Variants in SOCS7 observed in about 807,000 individuals in gnomAD.
SOCS7 encodes NAP-4.
Under a neutral mutation model 58.9 loss-of-function variants are expected in SOCS7, and 18 were observed. The observed-to-expected ratio is 0.31, with a 90% CI of 0.21 to 0.45. SOCS7 has a LOEUF of 0.45. Among genes scored for constraint, SOCS7 ranks in the 20% least tolerant of loss-of-function variants. The pLI is 1.00. For synonymous variants in SOCS7, 388 were observed against 364.3 expected, an observed-to-expected ratio of 1.06 and a Z score of -0.74; for missense variants, 667 against 837.3, an observed-to-expected ratio of 0.80 and a Z score of 2.51.
chr17:38,389,606 T>C (rs1439622476), intron 7 of SOCS7, among the ~76,000 whole-genome samples: 2 of 151,648 alleles, frequency 1.3e-5, no homozygotes, highest in African/African-American at 4.8e-5. Flanking sequence ...TTACAAATAT[T>C]TTCTCCCATT....
At chr17:38,369,032 C>T (rs958942039) in intron 6 of SOCS7, among the ~76,000 whole-genome samples, 1 of 152,154 alleles carries the variant, frequency 6.6e-6, no homozygotes. Context: ...GACTTTGTAT[C>T]GAGACATTCT....
At chr17:38,375,724 G>A (rs1292766033) in intron 6 of SOCS7, 2 of 152,076 alleles carry the variant, frequency 1.3e-5, no homozygotes, top group Non-Finnish European at 2.9e-5. Flanking sequence ...CATTATTCAA[G>A]GGTCAGTTTA....
rs142580652 is a variant in SOCS7 at position 38,403,035 on chromosome 17, A to C, written c.*3553A>C. On this transcript the variant is annotated 3_prime_UTR_variant, in exon 10 of 10. Transcript: ENST00000612932. ...GTGGGCACTAGGTAAGTGGGTGGCA[A>C]CCGGCTCTTTGGGACCATTGGTGCT... The C allele has an allele frequency of 1.3e-5, 2 of 152,198 alleles. No homozygotes were observed. The highest frequency in any genetic ancestry group is 4.8e-5 in the African/African-American group (2 of 41,418). The allele number at this position is 152,198 out of a possible 1,614,324, so 9.4% of individuals were successfully genotyped here.
intron 7 of SOCS7, among the ~76,000 whole-genome samples, chr17:38,378,368 G>A (rs2037958452): frequency 6.6e-6 from 1 of 152,066 alleles, no homozygotes. Flanking sequence ...TAAAAAATTA[G>A]CCAGGCATAG....
rs374016874 is a variant in SOCS7 at position 38,390,341 on chromosome 17, A to C, written c.1682-4968A>C. ...GTTTTGTAGTACTTTTTGAGATGGA[A>C]AAGTGTGAGTCTCCAACTTTGTTGT... is the stretch of plus-strand genomic sequence containing the variant. On this transcript the variant is annotated intron_variant, in intron 7 of 9. Coordinates refer to ENST00000612932, the MANE Select transcript of SOCS7 (RefSeq NM_014598.4). 7.2e-4 allele frequency among the ~76,000 whole-genome samples: 110 copies of C among 152,176 alleles called. 1 individual carries two copies. The highest frequency in any genetic ancestry group is 2.6e-3 in the African/African-American group (106 of 41,540).
intron 1 of SOCS7, 86 bp downstream of exon 1, chr17:38,353,118 T>G (rs1670588654): frequency 7.8e-7 from 1 of 1,286,724 alleles, no homozygotes. Context: ...TCCTGACAGT[T>G]CTTAAGATAG....
intron 1 of SOCS7, 151 bp from the exon 2 acceptor site, chr17:38,361,560 C>A (rs9890974): frequency 1.4e-6 from 1 of 692,926 alleles, no homozygotes; most frequent in South Asian, 1.6e-5. Context: ...CATTCTCCCC[C>A]TTTATTTTAT....
intron 7 of SOCS7, among the ~76,000 whole-genome samples, chr17:38,385,936 T>C (rs1438776322): frequency 6.6e-6 from 1 of 152,084 alleles, no homozygotes; most frequent in African/African-American, 2.4e-5. Context: ...TCCCAGCACT[T>C]TGGGAGGTGA....
rs2144414309 is a variant in SOCS7, at chr17:38,400,158, G to A, written c.*676G>A. The A allele has an allele frequency of 1.3e-5, 2 of 152,290 alleles. No individual in the cohort carries two copies. The highest frequency in any genetic ancestry group is 3.4e-3 in the Middle Eastern group (1 of 294). The allele number at this position is 152,290 out of a possible 1,614,324, so 9.4% of individuals were successfully genotyped here. A position where few individuals can be genotyped will look rare whatever the true frequency, so the allele number is the denominator to read the frequency against. On this transcript the variant is annotated 3_prime_UTR_variant, in exon 10 of 10. Coordinates refer to ENST00000612932, the MANE Select transcript of SOCS7 (RefSeq NM_014598.4). The stretch of plus-strand genomic sequence containing the variant: ...CTCCTGCATCCTTTTTTAAGGTTTA[G>A]GAACCTGAGTTCAGAAACACCTCTC...
intron 9 of SOCS7, among the ~76,000 whole-genome samples, chr17:38,399,187 A>G (rs2038286861): frequency 6.6e-6 from 1 of 152,162 alleles, no homozygotes; most frequent in African/African-American, 2.4e-5. Context: ...CAGTCCCTAG[A>G]GCAATTGAGC....
chr17:38,366,715 G>A (rs927802266), intron 5 of SOCS7, among the ~76,000 whole-genome samples: 3 of 152,096 alleles, frequency 2.0e-5, no homozygotes, highest in Non-Finnish European at 4.4e-5. Context: ...GGCTGGTCTT[G>A]AACTCCTGGG....
intron 7 of SOCS7, among the ~76,000 whole-genome samples, chr17:38,387,103 AT>A (rs1179710169): frequency 0.073 from 3,733 of 51,240 alleles, 101 homozygotes; most frequent in Non-Finnish European, 0.091. Context: ...AAAAAAAAAA[AT>A]ATATATATAT....
chr17:38,386,773 T>C (rs903905892), intron 7 of SOCS7, among the ~76,000 whole-genome samples: 5 of 151,990 alleles, frequency 3.3e-5, no homozygotes, highest in African/African-American at 1.2e-4. Context: ...TATCATCCTT[T>C]GAAGGTGACC....
Position 38,402,785 on chromosome 17 carries a change from G to C in SOCS7, c.*3303G>C, listed in dbSNP as rs1422231919. Reference sequence around the variant, plus strand: ...ATTTTCAAGTCACAAATTGGAAAAGGCTTACATCTAGGGACCCACTGTTGA... The same window carrying C: ...ATTTTCAAGTCACAAATTGGAAAAGCCTTACATCTAGGGACCCACTGTTGA... On this transcript the variant is annotated 3_prime_UTR_variant, in exon 10 of 10. Coordinates refer to ENST00000612932, the MANE Select transcript of SOCS7 (RefSeq NM_014598.4). The C allele has an allele frequency of 6.6e-6, 1 of 152,138 alleles. No homozygotes were observed. The highest frequency in any genetic ancestry group is 1.5e-5 in the Non-Finnish European group (1 of 68,030). The allele number at this position is 152,138 out of a possible 1,614,324, so 9.4% of individuals were successfully genotyped here.
intron 3 of SOCS7, among the ~76,000 whole-genome samples, 182 bp downstream of exon 3, chr17:38,365,038 ATACT>A (rs2037770752): frequency 6.6e-6 from 1 of 152,212 alleles, no homozygotes; most frequent in South Asian, 2.1e-4. Flanking sequence ...GCATGCTGTA[ATACT>A]TACTATACAT....
At position 38,393,792 on chromosome 17, in the gene SOCS7, C is replaced by G. The variant is rs540789076; in HGVS notation, c.1682-1517C>G. Among the ~76,000 whole-genome samples the G allele has an allele frequency of 5.3e-5, 8 of 151,510 alleles. No homozygotes were observed. The South Asian group carries it at 1.7e-3, about 32-fold the overall frequency. On this transcript the variant is annotated intron_variant, in intron 7 of 9. Transcript: ENST00000612932. ...GTGGGTGCCTGTAATCCCAGCTACT[C>G]GGGAGGCTGAGGCAGGAGAATGGCA...
intron 1 of SOCS7, among the ~76,000 whole-genome samples, chr17:38,359,863 A>G (rs1452130699): frequency 6.6e-6 from 1 of 151,718 alleles, no homozygotes; most frequent in Non-Finnish European, 1.5e-5. Context: ...TGCAGCCTTG[A>G]CCTTCCCAGG....
chr17:38,371,101 G>GTGTT (rs202028475), intron 6 of SOCS7, among the ~76,000 whole-genome samples: 13 of 151,850 alleles, frequency 8.6e-5, no homozygotes, highest in East Asian at 1.9e-4. Flanking sequence ...TCCCTTTTTT[G>GTGTT]TGTTTGTTTG....
At chr17:38,366,257 A>G (rs745733821) in intron 4 of SOCS7, 30 bp from the exon 5 acceptor site, 11 of 1,610,176 alleles carry the variant, frequency 6.8e-6, no homozygotes, top group Non-Finnish European at 8.5e-6. Flanking sequence ...GTGAGGGTAA[A>G]CAAGTGACCA....
Sources: allele counts gnomAD v4.1 joint callset (sites outside exome capture counted in the v4.1 genomes callset), GRCh38; gene constraint gnomAD v4.1.1; transcripts MANE v1.5; gene names NCBI Gene and HGNC (gene_info 2026-07-23, HGNC 2026-07-21).